PTPRD: variants seen among roughly 807,000 people sequenced by gnomAD.
PTPRD encodes the protein receptor-type tyrosine-protein phosphatase delta.
A neutral mutation model predicts 214.5 loss-of-function variants in PTPRD; 34 were observed. The observed-to-expected ratio is 0.16, with a 90% CI of 0.12 to 0.21. The LOEUF is 0.21. Ranked by LOEUF, PTPRD falls within the 10% of genes least tolerant of loss-of-function variation. The probability of loss-of-function intolerance (pLI) is 1.00; values close to 1 mark genes in which losing one functional copy is unlikely to be tolerated. For missense variants in PTPRD, 2,545 were observed against 2,398.7 expected (o/e 1.06, Z -1.27); for synonymous variants, 1,128 against 845.7 (o/e 1.33, Z -5.79).
At chr9:8,861,656 A>G (rs1484685549) in intron 11 of PTPRD, 1 of 152,202 alleles carries the variant, frequency 6.6e-6, no homozygotes, top group Admixed American at 6.5e-5. Context: ...TTGACTTCAA[A>G]TCCAATATTT....
intron 14 of PTPRD, among the ~76,000 whole-genome samples, chr9:8,547,403 G>T (rs1334993097): frequency 6.6e-6 from 1 of 152,156 alleles, no homozygotes; most frequent in African/African-American, 2.4e-5. Context: ...AGCACTTTGG[G>T]AGGCCAAGGT....
chr9:8,465,094 G>A (rs1038731869), intron 32 of PTPRD, among the ~76,000 whole-genome samples: 1 of 151,956 alleles, frequency 6.6e-6, no homozygotes, highest in Non-Finnish European at 1.5e-5. Flanking sequence ...CAGGTATTAT[G>A]CAACAGTCTC....
At chr9:8,324,398 G>A (rs1831497115) in intron 44 of PTPRD, among the ~76,000 whole-genome samples, 1 of 152,130 alleles carries the variant, frequency 6.6e-6, no homozygotes, top group South Asian at 2.1e-4. Context: ...ATGGTTTCCA[G>A]CTTCATCCAT....
At chr9:10,239,880 G>A (rs1359867251) in intron 3 of PTPRD, among the ~76,000 whole-genome samples, 1 of 151,676 alleles carries the variant, frequency 6.6e-6, no homozygotes, top group African/African-American at 2.4e-5. Context: ...TTTTCCCCAA[G>A]GTTGGTCTAG....
intron 3 of PTPRD, among the ~76,000 whole-genome samples, chr9:10,268,258 C>A (rs1484250807): frequency 6.7e-6 from 1 of 149,644 alleles, no homozygotes; most frequent in Non-Finnish European, 1.5e-5. Context: ...CCACTGCACA[C>A]CAGCCTGGGC....
intron 3 of PTPRD, among the ~76,000 whole-genome samples, chr9:10,057,554 T>C (rs946573445): frequency 1.1e-4 from 17 of 151,988 alleles, no homozygotes; most frequent in African/African-American, 3.4e-4. Flanking sequence ...TTAATATCAG[T>C]AAGATTAAAA....
At chr9:9,982,988 T>C (rs1193217221) in intron 4 of PTPRD, among the ~76,000 whole-genome samples, 7 of 151,876 alleles carry the variant, frequency 4.6e-5, no homozygotes, top group African/African-American at 1.7e-4. Flanking sequence ...CATGCCTGCC[T>C]AAAATCAATG....
intron 11 of PTPRD, among the ~76,000 whole-genome samples, chr9:8,946,395 G>C (rs1189895873): frequency 1.3e-5 from 2 of 152,088 alleles, no homozygotes; most frequent in Non-Finnish European, 2.9e-5. Flanking sequence ...GCTCTTCTTT[G>C]TGTGCTTGGA....
rs1310439931 is a variant in PTPRD at position 8,315,980 on chromosome 9, A to T, written c.*1894T>A. On this transcript the variant is annotated 3_prime_UTR_variant, in exon 46 of 46. Coordinates refer to ENST00000381196, the MANE Select transcript of PTPRD (RefSeq NM_002839.4). ...TTATTTCCCCTTTTAGAAAAATCCT[A>T]ATGGAATATCAAATATATTCCAAAG... 1 of 227,338 alleles carries T rather than the reference A, an allele frequency of 4.4e-6. No homozygotes were observed. The highest frequency in any genetic ancestry group is 8.7e-6 in the Non-Finnish European group (1 of 114,308). 14.1% of individuals were successfully genotyped at this position (227,338 alleles called of 1,614,324 possible).
intron 10 of PTPRD, among the ~76,000 whole-genome samples, chr9:9,111,180 C>G (rs1591791841): frequency 9.0e-6 from 1 of 111,370 alleles, no homozygotes; most frequent in African/African-American, 3.4e-5. Context: ...AGCTGAGTTT[C>G]AAAGGATAAA....
intron 9 of PTPRD, among the ~76,000 whole-genome samples, chr9:9,342,429 G>T (rs147425087): frequency 4.3e-4 from 65 of 152,238 alleles, no homozygotes; most frequent in African/African-American, 1.4e-3. Context: ...AATACTAACA[G>T]GAGTAATGTT....
chr9:8,778,660 G>A (rs1210976991), intron 11 of PTPRD, among the ~76,000 whole-genome samples: 1 of 152,058 alleles, frequency 6.6e-6, no homozygotes, highest in Non-Finnish European at 1.5e-5. Context: ...GTTTACTTAA[G>A]CCCTTTTCTA....
Position 9,098,299 on chromosome 9 carries a change from C to T in PTPRD, c.-142-79564G>A, listed in dbSNP as rs548265010. On this transcript the variant is annotated intron_variant, in intron 10 of 45. Coordinates refer to ENST00000381196, the MANE Select transcript of PTPRD (RefSeq NM_002839.4). Reference sequence around the variant, plus strand: ...TATCATTTTTGTTGTTGTTGTTTCCCGGGCTGAAGTGCAGTGGTGTGCTGT... The same window carrying T: ...TATCATTTTTGTTGTTGTTGTTTCCTGGGCTGAAGTGCAGTGGTGTGCTGT... 2.2e-4 allele frequency among the ~76,000 whole-genome samples: 34 copies of T among 152,062 alleles called. 1 individual carries two copies. The highest frequency in any genetic ancestry group is 1.4e-3 in the Admixed American group (21 of 15,254).
chr9:9,410,473 C>T (rs969084274), intron 8 of PTPRD, among the ~76,000 whole-genome samples: 1 of 152,172 alleles, frequency 6.6e-6, no homozygotes, highest in Non-Finnish European at 1.5e-5. Context: ...TTTCCCCACA[C>T]AGAAATACAC....
At chr9:10,416,693 C>T (rs1311072992) in intron 2 of PTPRD, among the ~76,000 whole-genome samples, 1 of 151,532 alleles carries the variant, frequency 6.6e-6, no homozygotes, top group African/African-American at 2.4e-5. Flanking sequence ...TATCACATAT[C>T]ACGGTATCTA....
At chr9:8,320,413 A>G (rs1826190468) in intron 44 of PTPRD, among the ~76,000 whole-genome samples, 1 of 152,154 alleles carries the variant, frequency 6.6e-6, no homozygotes, top group Admixed American at 6.6e-5. Context: ...GCAGTTACTT[A>G]AAATACATAT....
In PTPRD at chr9:9,727,421, G is replaced by A. The variant is rs367913274; in HGVS notation, c.-287+7112C>T. On this transcript the variant is annotated intron_variant, in intron 7 of 45. Coordinates refer to ENST00000381196, the MANE Select transcript of PTPRD (RefSeq NM_002839.4). ...GCCAAGATCGCACCACTGCACTCTA[G>A]CCTGGATAACCAGAGTGAGACCCTG... Among the ~76,000 whole-genome samples the A allele has an allele frequency of 6.6e-5, 10 of 152,246 alleles. No individual in the cohort carries two copies. The East Asian group carries it at 1.7e-3, about 27-fold the overall frequency.
chr9:9,056,386 A>G (rs1477543935), intron 10 of PTPRD, among the ~76,000 whole-genome samples: 2 of 152,188 alleles, frequency 1.3e-5, no homozygotes, highest in East Asian at 3.9e-4. Flanking sequence ...TGCTTGACCT[A>G]GATGATCAGC....
intron 6 of PTPRD, among the ~76,000 whole-genome samples, chr9:9,756,758 G>A (rs146064528): frequency 0.016 from 2,371 of 152,210 alleles, 39 homozygotes; most frequent in African/African-American, 0.039. Flanking sequence ...AATTAGTAGA[G>A]CAAGCAATTA....
Sources: allele counts gnomAD v4.1 joint callset (sites outside exome capture counted in the v4.1 genomes callset), GRCh38; gene constraint gnomAD v4.1.1; transcripts MANE v1.5; gene names NCBI Gene and HGNC (gene_info 2026-07-23, HGNC 2026-07-21).